The following NRXN1 variants were observed in gnomAD, a reference collection of about 807,000 sequenced individuals.
NRXN1 encodes neurexin 1.
A neutral mutation model predicts 150.9 loss-of-function variants in NRXN1; 39 were observed. The ratio of observed to expected loss-of-function variants is 0.26; its 90% CI spans 0.20 to 0.34. The LOEUF (loss-of-function observed/expected upper bound fraction) is 0.34. NRXN1 is among the 10% of genes least tolerant of loss of function. The pLI is 1.00. For missense variants in NRXN1, 1,815 were observed against 1,949.9 expected, an observed-to-expected ratio of 0.93 and a Z score of 1.30; for synonymous variants, 924 against 757.0, an observed-to-expected ratio of 1.22 and a Z score of -3.62.
chr2:50,345,972 C>A (rs1258622297), intron 17 of NRXN1, among the ~76,000 whole-genome samples: 1 of 152,166 alleles, frequency 6.6e-6, no homozygotes, highest in African/African-American at 2.4e-5. Flanking sequence ...AAGAACTCAG[C>A]CTAATTACCA....
At chr2:50,700,037 G>T (rs1238052792) in intron 5 of NRXN1, among the ~76,000 whole-genome samples, 1 of 152,130 alleles carries the variant, frequency 6.6e-6, no homozygotes. Context: ...AAGATAAGTA[G>T]AAGAACTAAT....
intron 19 of NRXN1, among the ~76,000 whole-genome samples, chr2:50,068,267 A>T (rs1391877018): frequency 6.6e-6 from 1 of 152,214 alleles, no homozygotes; most frequent in Non-Finnish European, 1.5e-5. Context: ...AGTTGGATAA[A>T]GGTGCTGGAT....
chr2:50,983,367 G>C (rs1697150184), intron 2 of NRXN1, among the ~76,000 whole-genome samples: 1 of 152,056 alleles, frequency 6.6e-6, no homozygotes, highest in Non-Finnish European at 1.5e-5. Context: ...CCAGCTCCAG[G>C]CTCAAAGAGA....
At chr2:50,258,528 T>C (rs772774447) in intron 17 of NRXN1, among the ~76,000 whole-genome samples, 14 of 152,014 alleles carry the variant, frequency 9.2e-5, no homozygotes, top group Non-Finnish European at 1.9e-4. Context: ...AGTTACCTCC[T>C]CCACTGAAGT....
At chr2:49,946,769 A>T (rs893017390) in intron 21 of NRXN1, among the ~76,000 whole-genome samples, 28 of 152,242 alleles carry the variant, frequency 1.8e-4, no homozygotes, top group African/African-American at 6.3e-4. Flanking sequence ...AATCCTAAGC[A>T]AAAAGAACAA....
At chr2:50,468,406 T>C (rs550293905) in intron 16 of NRXN1, among the ~76,000 whole-genome samples, 1 of 151,706 alleles carries the variant, frequency 6.6e-6, no homozygotes, top group Non-Finnish European at 1.5e-5. Flanking sequence ...TGCCTTTGCC[T>C]GACAAGACAC....
At position 50,551,074 on chromosome 2, in the gene NRXN1, A is replaced by AGAG. The variant is rs1190766975; in HGVS notation, c.1759+1510_1759+1512dup. On this transcript the variant is annotated intron_variant, in intron 9 of 22. Coordinates refer to ENST00000401669, the MANE Select transcript of NRXN1 (RefSeq NM_001330078.2). ...AGGAAGAAGAAGAAGAAGAAGAAGA[A>AGAG]GAGGAGGAGGAGGAGGAGGAGGAGG... Among the ~76,000 whole-genome samples, 1,053 of 110,546 alleles carry AGAG rather than the reference A, an allele frequency of 9.5e-3. 7 individuals are homozygous for AGAG. The highest frequency in any genetic ancestry group is 0.015 in the Non-Finnish European group (796 of 54,512). The allele number at this position is 110,546 out of a possible 152,430, so 72.5% of individuals were successfully genotyped here. A position where few individuals can be genotyped will look rare whatever the true frequency, so the allele number is the denominator to read the frequency against.
At chr2:49,975,815 G>A (rs11889551) in intron 21 of NRXN1, among the ~76,000 whole-genome samples, 4 of 151,682 alleles carry the variant, frequency 2.6e-5, no homozygotes, top group Admixed American at 2.6e-4. Context: ...AGTAAACTGA[G>A]TAGATAAACT....
chr2:50,718,410 T>C (rs1408348342), intron 5 of NRXN1, among the ~76,000 whole-genome samples: 1 of 152,160 alleles, frequency 6.6e-6, no homozygotes, highest in South Asian at 2.1e-4. Context: ...TAAAGAAAGA[T>C]GAAGCCATTC....
intron 17 of NRXN1, 168 bp downstream of exon 17, chr2:50,465,274 C>A: frequency 4.0e-6 from 2 of 501,092 alleles, no homozygotes; most frequent in Non-Finnish European, 6.3e-6. Context: ...GCCACTTTAA[C>A]AATTAGTATT....
intron 17 of NRXN1, among the ~76,000 whole-genome samples, chr2:50,296,559 C>G (rs1320900809): frequency 9.9e-6 from 1 of 101,012 alleles, no homozygotes; most frequent in African/African-American, 3.4e-5. Context: ...TACTTGAACT[C>G]CTGGGTTCAC....
chr2:50,643,484 T>A (rs1455157519), intron 5 of NRXN1, among the ~76,000 whole-genome samples: 2 of 151,922 alleles, frequency 1.3e-5, no homozygotes, highest in Admixed American at 1.3e-4. Context: ...TATTTCTAAT[T>A]AAGAAAACAT....
chr2:50,752,262 C>G (rs775715682), intron 5 of NRXN1, among the ~76,000 whole-genome samples: 8 of 151,904 alleles, frequency 5.3e-5, no homozygotes, highest in Non-Finnish European at 1.0e-4. Flanking sequence ...TTCCTCTTCT[C>G]TAAGGTTCAC....
intron 2 of NRXN1, among the ~76,000 whole-genome samples, chr2:50,949,531 T>A (rs1367003931): frequency 2.6e-5 from 4 of 152,172 alleles, no homozygotes; most frequent in South Asian, 4.2e-4. Flanking sequence ...TTCTGCTTCA[T>A]CTCTAGAATG....
At chr2:50,641,372 G>C (rs1334991728) in intron 5 of NRXN1, among the ~76,000 whole-genome samples, 2 of 152,092 alleles carry the variant, frequency 1.3e-5, no homozygotes, top group Non-Finnish European at 1.5e-5. Context: ...TGGAATGAGA[G>C]AAAATGGAAG....
At chr2:50,047,276 T>A (rs1691962565) in intron 21 of NRXN1, among the ~76,000 whole-genome samples, 1 of 152,042 alleles carries the variant, frequency 6.6e-6, no homozygotes, top group African/African-American at 2.4e-5. Flanking sequence ...TGAGGAGGAA[T>A]AATAATATCA....
intron 18 of NRXN1, among the ~76,000 whole-genome samples, chr2:50,103,538 G>C (rs958693936): frequency 1.3e-5 from 2 of 151,890 alleles, no homozygotes; most frequent in Admixed American, 6.6e-5. Flanking sequence ...TGAGACGAAG[G>C]ATTCTCTATC....
intron 5 of NRXN1, among the ~76,000 whole-genome samples, chr2:50,751,306 C>A (rs1700571562): frequency 6.6e-6 from 1 of 152,030 alleles, no homozygotes; most frequent in Non-Finnish European, 1.5e-5. Context: ...AACAGATACA[C>A]TTCTGCTTTT....
At chr2:50,837,203 A>G (rs1672241938) in intron 5 of NRXN1, among the ~76,000 whole-genome samples, 1 of 152,176 alleles carries the variant, frequency 6.6e-6, no homozygotes, top group Non-Finnish European at 1.5e-5. Context: ...CTTAAGAAAC[A>G]ACAAGTAGTG....
Sources: allele counts gnomAD v4.1 joint callset (sites outside exome capture counted in the v4.1 genomes callset), GRCh38; gene constraint gnomAD v4.1.1; transcripts MANE v1.5; gene names NCBI Gene and HGNC (gene_info 2026-07-23, HGNC 2026-07-21).